PXK: variants seen among roughly 807,000 people sequenced by gnomAD.
PXK encodes PX domain containing serine/threonine kinase like.
Under a neutral mutation model 84.7 loss-of-function variants are expected in PXK, and 35 were observed. The observed-to-expected ratio is 0.41, with a 90% CI of 0.32 to 0.55. The LOEUF is 0.55. PXK is among the 20% of genes least tolerant of loss of function. The pLI is 0.21. For missense variants in PXK, 634 were observed against 699.7 expected (o/e 0.91, Z 1.06); for synonymous variants, 253 against 260.8 (o/e 0.97, Z 0.29).
intron 4 of PXK, among the ~76,000 whole-genome samples, chr3:58,387,700 C>CATACAGTCTAGGTGG (rs1178363846): frequency 2.6e-5 from 4 of 152,126 alleles, no homozygotes; most frequent in Non-Finnish European, 4.4e-5. Flanking sequence ...CCAGCCAGAG[C>CATACAGTCTAGGTGG]ATACAGTCTA....
At position 58,399,943 on chromosome 3, in the gene PXK, A is replaced by G. The variant is rs532445053; in HGVS notation, c.1181+566A>G. 6.6e-6 allele frequency among the ~76,000 whole-genome samples: 1 copy of G among 152,206 alleles called. No homozygotes were observed. The highest frequency in any genetic ancestry group is 2.4e-5 in the African/African-American group (1 of 41,534). The stretch of plus-strand genomic sequence containing the variant: ...AAGACATTTTCTCTGAAACTGGATT[A>G]TGAGTAGATAACCAGGGCAGCTGAA... On this transcript the variant is annotated intron_variant, in intron 12 of 17. Coordinates refer to ENST00000356151, the MANE Select transcript of PXK (RefSeq NM_017771.5). The surrounding 1 kb of genome is among the most constrained non-coding windows in gnomAD (Gnocchi z 4.3).
chr3:58,389,547 G>C (rs148992924), intron 4 of PXK, among the ~76,000 whole-genome samples: 1 of 152,048 alleles, frequency 6.6e-6, no homozygotes, highest in Non-Finnish European at 1.5e-5. Context: ...AGTGGGCTGC[G>C]TGCAGTGGTT....
chr3:58,393,807 A>C (rs1276798462), intron 7 of PXK, among the ~76,000 whole-genome samples: 26 of 152,112 alleles, frequency 1.7e-4, no homozygotes, highest in Admixed American at 1.7e-3. Flanking sequence ...ATTTAATGTG[A>C]TTTTCTAACT....
At position 58,425,495 on chromosome 3, in the gene PXK, T is replaced by C. The variant is rs186965189; in HGVS notation, c.*535T>C. On this transcript the variant is annotated 3_prime_UTR_variant, in exon 18 of 18. Transcript: ENST00000356151. The stretch of plus-strand genomic sequence containing the variant: ...TAAATCAGAAAGCAACTGAGTTCTT[T>C]GTTTTCTCCTCAAATAGAATGGGGA... 3.9e-5 allele frequency: 6 copies of C among 155,688 alleles called. No homozygotes were observed. The East Asian group carries it at 9.5e-4, about 25-fold the overall frequency. 9.6% of individuals were successfully genotyped at this position (155,688 alleles called of 1,614,324 possible). A position where few individuals can be genotyped will look rare whatever the true frequency, so the allele number is the denominator to read the frequency against.
rs943210512 is a variant in PXK at position 58,426,047 on chromosome 3, A to T, written c.*1087A>T. Reference sequence around the variant, plus strand: ...AACGTGTTGTCTGTAGCTTGACAAGATATTTCAAATGAGAACTTTTTGTAG... The same window carrying T: ...AACGTGTTGTCTGTAGCTTGACAAGTTATTTCAAATGAGAACTTTTTGTAG... On this transcript the variant is annotated 3_prime_UTR_variant, in exon 18 of 18. Transcript: ENST00000356151. The T allele has an allele frequency of 1.3e-5, 2 of 152,210 alleles. No individual in the cohort carries two copies. Among genetic ancestry groups the T allele is most frequent in the Admixed American group, 6.5e-5 (1 of 15,284 alleles). 9.4% of individuals were successfully genotyped at this position (152,210 alleles called of 1,614,324 possible). A position where few individuals can be genotyped will look rare whatever the true frequency, so the allele number is the denominator to read the frequency against.
In PXK at chr3:58,397,120, C is replaced by T. The variant is rs372379383; in HGVS notation, c.904C>T (p.Arg302Trp). Reference sequence around the variant, plus strand: ...TGTGATGCTCGATGGGGACACTTGCCGGCTGCTGGACCTTGAGAATTCCTT... The same window carrying T: ...TGTGATGCTCGATGGGGACACTTGCTGGCTGCTGGACCTTGAGAATTCCTT... ...SNVMLDGDTCRLLDLENSLLG... is the reference protein window; with the variant it reads ...SNVMLDGDTCWLLDLENSLLG... The change falls in exon 10 of 18, where the codon CGG becomes TGG. Residue 302 changes from arginine to tryptophan, a missense_variant. This residue lies in a region of PXK where 353 missense variants were observed against 385.2 expected (regional missense o/e 0.92). Coordinates refer to ENST00000356151, the MANE Select transcript of PXK (RefSeq NM_017771.5). The surrounding 1 kb of genome is among the most constrained non-coding windows in gnomAD (Gnocchi z 4.7). The T allele has an allele frequency of 9.9e-5, 160 of 1,614,130 alleles. No individual in the cohort carries two copies. Among genetic ancestry groups the T allele is most frequent in the Non-Finnish European group, 1.2e-4 (143 of 1,179,988 alleles).
In PXK at chr3:58,333,671, G is replaced by C. The variant is rs890166286; in HGVS notation, c.102+581G>C. ...CCGGGAAGTGGTGGGGGCGGCAGTC[G>C]GGGCGCTGTTAAGCAGGTGTATGAA... is the stretch of plus-strand genomic sequence containing the variant. On this transcript the variant is annotated intron_variant, in intron 1 of 17. Transcript: ENST00000356151. The surrounding 1 kb of genome is among the most constrained non-coding windows in gnomAD (Gnocchi z 5.4). 3 of 456,360 alleles carry C rather than the reference G, an allele frequency of 6.6e-6. No homozygotes were observed. The highest frequency in any genetic ancestry group is 3.3e-4 in the Middle Eastern group (1 of 3,066). The allele number at this position is 456,360 out of a possible 1,614,324, so 28.3% of individuals were successfully genotyped here.
chr3:58,361,947 TA>T (rs2098194777), intron 1 of PXK, among the ~76,000 whole-genome samples: 3 of 152,240 alleles, frequency 2.0e-5, no homozygotes, highest in Admixed American at 6.5e-5. Flanking sequence ...TATACCATTT[TA>T]TAGTCCCATC....
chr3:58,395,120 T>G lies in PXK; in HGVS notation c.720+18T>G. 2 of 1,564,628 alleles carry G rather than the reference T, an allele frequency of 1.3e-6. No individual in the cohort carries two copies. Among genetic ancestry groups the G allele is most frequent in the Non-Finnish European group, 1.8e-6 (2 of 1,136,072 alleles). On this transcript the variant is annotated intron_variant, in intron 8 of 17. Transcript: ENST00000356151. ...TCTACAAGGTACCTGTGCAAGTTCA[T>G]GGTCATAAGGAATTCTCAAGTTCCT...
At chr3:58,405,777 CAA>C (rs547950182) in intron 13 of PXK, among the ~76,000 whole-genome samples, 2 of 133,786 alleles carry the variant, frequency 1.5e-5, no homozygotes, top group Non-Finnish European at 1.6e-5. Context: ...GATTCTGTCT[CAA>C]AAAAAAAAAA....
chr3:58,351,202 T>G (rs546474937), intron 1 of PXK, among the ~76,000 whole-genome samples: 1 of 152,252 alleles, frequency 6.6e-6, no homozygotes, highest in East Asian at 1.9e-4. Context: ...CAGGATTCCT[T>G]ATTTAATTTA....
intron 1 of PXK, among the ~76,000 whole-genome samples, chr3:58,349,017 T>C (rs2097871373): frequency 6.6e-6 from 1 of 152,094 alleles, no homozygotes; most frequent in South Asian, 2.1e-4. Context: ...ACTAGCCACA[T>C]ATCAGATGCT....
chr3:58,390,536 C>T lies in PXK; in HGVS notation c.389-46C>T. 1 of 1,490,154 alleles carries T rather than the reference C, an allele frequency of 6.7e-7. No homozygotes were observed. The highest frequency in any genetic ancestry group is 9.3e-7 in the Non-Finnish European group (1 of 1,073,664). The allele number at this position is 1,490,154 out of a possible 1,614,324, so 92.3% of individuals were successfully genotyped here. ...AGAATAATATCTTCAGCATATGGCC[C>T]TTTCCTGATATGTCTGACTAATGGG... On this transcript the variant is annotated intron_variant, in intron 4 of 17. Coordinates refer to ENST00000356151, the MANE Select transcript of PXK (RefSeq NM_017771.5). This position sits in a 1 kb window ranked among gnomAD's most constrained non-coding sequence, Gnocchi z 4.2.
In PXK at chr3:58,422,032, G is replaced by T. The variant is rs143696292; in HGVS notation, c.1529-2720G>T. The T allele has an allele frequency of 2.0e-3, 1,969 of 985,380 alleles. 1 individual carries two copies. The highest frequency in any genetic ancestry group is 2.2e-3 in the Non-Finnish European group (1,839 of 829,916). The allele number at this position is 985,380 out of a possible 1,614,324, so 61.0% of individuals were successfully genotyped here. ...GCAGGCAGCAGGCAGTTGTTCCCAGGTTTGTCACAGGCCAAATGGTAACTT... is the reference window on the plus strand; with the variant it reads ...GCAGGCAGCAGGCAGTTGTTCCCAGTTTTGTCACAGGCCAAATGGTAACTT... On this transcript the variant is annotated intron_variant, in intron 17 of 17. Coordinates refer to ENST00000356151, the MANE Select transcript of PXK (RefSeq NM_017771.5).
At chr3:58,337,928 C>T (rs905083786) in intron 1 of PXK, among the ~76,000 whole-genome samples, 4 of 152,178 alleles carry the variant, frequency 2.6e-5, no homozygotes, top group African/African-American at 9.7e-5. Flanking sequence ...AATTAGGAGA[C>T]ATTGCTGCTT....
At chr3:58,337,916 C>T (rs553739513) in intron 1 of PXK, among the ~76,000 whole-genome samples, 5 of 152,162 alleles carry the variant, frequency 3.3e-5, no homozygotes, top group African/African-American at 1.2e-4. Context: ...AATGTAATGG[C>T]AAATTAGGAG....
chr3:58,392,277 T>C (rs1475666446), intron 7 of PXK, among the ~76,000 whole-genome samples: 1 of 152,222 alleles, frequency 6.6e-6, no homozygotes, highest in Non-Finnish European at 1.5e-5. Flanking sequence ...GCTAACCAGA[T>C]GACCTTTAGG....
intron 3 of PXK, among the ~76,000 whole-genome samples, chr3:58,369,840 A>T (rs2098338486): frequency 6.6e-6 from 1 of 151,330 alleles, no homozygotes; most frequent in African/African-American, 2.4e-5. Context: ...AAAAAAAAAA[A>T]ACAAAACTGG....
rs139211019 is a variant in PXK at position 58,379,005 on chromosome 3, C to T, written c.202-3509C>T. Reference sequence around the variant, plus strand: ...TGGTGCAATCTTGGCTTACTGCAGCCTCCGCCTCCTGGGTTCAAGCAATTC... The same window carrying T: ...TGGTGCAATCTTGGCTTACTGCAGCTTCCGCCTCCTGGGTTCAAGCAATTC... On this transcript the variant is annotated intron_variant, in intron 3 of 17. Coordinates refer to ENST00000356151, the MANE Select transcript of PXK (RefSeq NM_017771.5). This position sits in a 1 kb window ranked among gnomAD's most constrained non-coding sequence, Gnocchi z 5.1. 3.2e-4 allele frequency among the ~76,000 whole-genome samples: 48 copies of T among 151,998 alleles called. No homozygotes were observed. The South Asian group carries it at 3.7e-3, about 12-fold the overall frequency.
Sources: gnomAD v4.1 joint callset for allele counts (sites outside exome capture counted in the v4.1 genomes callset) on GRCh38, gnomAD v4.1.1 for gene constraint, gnomAD v4.1.1 regional missense constraint, Gnocchi (gnomAD v3.1) non-coding constraint, MANE v1.5 for transcripts, NCBI Gene and HGNC (gene_info 2026-07-23, HGNC 2026-07-21) for gene names.